AGMO: variants seen among roughly 807,000 people sequenced by gnomAD.
AGMO encodes alkylglycerol monooxygenase.
In AGMO, 75 loss-of-function variants were observed where a neutral mutation model predicts 60.2. The ratio of observed to expected loss-of-function variants is 1.25; its 90% CI spans 1.03 to 1.51. The LOEUF (loss-of-function observed/expected upper bound fraction) is 1.51, where lower values mean the gene tolerates loss of function less well. Ranked by LOEUF, AGMO falls within the 40% of genes most tolerant of loss-of-function variation. The probability of loss-of-function intolerance (pLI) is 0.00; values close to 1 mark genes in which losing one functional copy is unlikely to be tolerated. For missense variants in AGMO, 763 were observed against 525.5 expected (o/e 1.45, Z -4.42); for synonymous variants, 261 against 177.1 (o/e 1.47, Z -3.76).
At chr7:15,463,013 G>T (rs1036537017) in intron 3 of AGMO, among the ~76,000 whole-genome samples, 1 of 152,072 alleles carries the variant, frequency 6.6e-6, no homozygotes, top group African/African-American at 2.4e-5. Context: ...CAAGTTAGCT[G>T]GATGGAAACA....
rs573560707 is a variant in AGMO at position 15,528,589 on chromosome 7, G to C, written c.409+16183C>G. On this transcript the variant is annotated intron_variant, in intron 3 of 12. Coordinates refer to ENST00000342526, the MANE Select transcript of AGMO (RefSeq NM_001004320.2). ...GTTTGCAGAGAGTTCAGAAGACAGA[G>C]GGAAACATTAAGCAGTACTAGGAGG... Among the ~76,000 whole-genome samples, 5 of 152,162 alleles carry C rather than the reference G, an allele frequency of 3.3e-5. No homozygotes were observed. The East Asian group carries it at 9.7e-4, about 29-fold the overall frequency.
chr7:15,204,845 A>ATG (rs149200960), intron 12 of AGMO, among the ~76,000 whole-genome samples: 6 of 151,844 alleles, frequency 4.0e-5, no homozygotes, highest in Non-Finnish European at 5.9e-5. Context: ...CCTCTCAGTT[A>ATG]TGTGTGTGTG....
intron 10 of AGMO, among the ~76,000 whole-genome samples, chr7:15,375,109 A>C (rs4415218): frequency 0.74 from 112,580 of 151,898 alleles, 42,522 homozygotes; most frequent in Middle Eastern, 0.83. Context: ...AAACCTCTAG[A>C]AAAGAAAGAT....
intron 12 of AGMO, among the ~76,000 whole-genome samples, chr7:15,316,657 GATA>G (rs1554411865): frequency 6.6e-6 from 1 of 151,978 alleles, no homozygotes; most frequent in Admixed American, 6.6e-5. Context: ...AAGCAGAGGG[GATA>G]ATAATAGATA....
At chr7:15,517,972 C>A (rs375993452) in intron 3 of AGMO, among the ~76,000 whole-genome samples, 1 of 152,076 alleles carries the variant, frequency 6.6e-6, no homozygotes, top group Non-Finnish European at 1.5e-5. Context: ...CTGGGACACT[C>A]GAGCTTGGTT....
intron 2 of AGMO, among the ~76,000 whole-genome samples, chr7:15,551,087 T>C (rs1295282113): frequency 6.6e-6 from 1 of 152,016 alleles, no homozygotes; most frequent in Non-Finnish European, 1.5e-5. Flanking sequence ...TCTCAATAGA[T>C]GCAGGAAAAG....
chr7:15,446,967 A>G (rs1488564539), intron 3 of AGMO, among the ~76,000 whole-genome samples: 1 of 152,180 alleles, frequency 6.6e-6, no homozygotes, highest in Non-Finnish European at 1.5e-5. Context: ...TTTAATGGCA[A>G]TAAGTGATCC....
At chr7:15,504,352 T>C (rs549871366) in intron 3 of AGMO, among the ~76,000 whole-genome samples, 1 of 152,092 alleles carries the variant, frequency 6.6e-6, no homozygotes, top group Non-Finnish European at 1.5e-5. Flanking sequence ...ATTTGATATG[T>C]TCCAAGCCTG....
intron 2 of AGMO, among the ~76,000 whole-genome samples, chr7:15,549,275 C>G (rs1784877078): frequency 6.8e-6 from 1 of 146,114 alleles, no homozygotes; most frequent in Non-Finnish European, 1.5e-5. Context: ...GCAAAATCAC[C>G]AGCTAACATC....
intron 3 of AGMO, 93 bp downstream of exon 3, chr7:15,544,679 T>C (rs1784724998): frequency 9.7e-7 from 1 of 1,036,140 alleles, no homozygotes; most frequent in Non-Finnish European, 1.3e-6. Context: ...TTTATTCCTG[T>C]ATTTATCCAT....
chr7:15,221,717 A>T (rs1781929253), intron 12 of AGMO, among the ~76,000 whole-genome samples: 1 of 152,168 alleles, frequency 6.6e-6, no homozygotes, highest in Admixed American at 6.6e-5. Context: ...AATGTTAAAC[A>T]TACCATCCAC....
chr7:15,244,659 T>C (rs564821276), intron 12 of AGMO, among the ~76,000 whole-genome samples: 3 of 152,076 alleles, frequency 2.0e-5, no homozygotes, highest in African/African-American at 7.2e-5. Flanking sequence ...GTTTGTTTTG[T>C]TTTTTTGGAG....
intron 10 of AGMO, among the ~76,000 whole-genome samples, chr7:15,372,873 G>A (rs138395039): frequency 1.2e-3 from 187 of 152,204 alleles, no homozygotes; most frequent in African/African-American, 4.4e-3. Context: ...TAATTTGGAC[G>A]TATGATCGGT....
the AGMO span, among the ~76,000 whole-genome samples, chr7:15,142,312 C>T: frequency 6.6e-6 from 1 of 152,080 alleles, no homozygotes; most frequent in African/African-American, 2.4e-5. Context: ...CTTTCAAGGT[C>T]CAAGTGAAAT....
chr7:15,315,356 T>TTTTTTTTTTTTTTTA (rs1780891467), intron 12 of AGMO, among the ~76,000 whole-genome samples: 1 of 141,416 alleles, frequency 7.1e-6, no homozygotes, highest in African/African-American at 2.8e-5. Flanking sequence ...TTTTTTTTTT[T>TTTTTTTTTTTTTTTA]GAGACAGAGT....
intron 3 of AGMO, among the ~76,000 whole-genome samples, chr7:15,522,289 G>C (rs1420157839): frequency 1.3e-5 from 2 of 152,216 alleles, no homozygotes; most frequent in East Asian, 1.9e-4. Context: ...GTAATTTATA[G>C]ATTCAATGCT....
At chr7:15,410,391 T>A (rs1158230149) in intron 5 of AGMO, among the ~76,000 whole-genome samples, 1 of 151,662 alleles carries the variant, frequency 6.6e-6, no homozygotes, top group Non-Finnish European at 1.5e-5. Context: ...AAAAAATAAA[T>A]AACAAAAAAA....
At chr7:15,170,684 C>G in the AGMO span, among the ~76,000 whole-genome samples, 1 of 152,016 alleles carries the variant, frequency 6.6e-6, no homozygotes, top group Non-Finnish European at 1.5e-5. Context: ...AATTAATGAA[C>G]CAATACTGAT....
chr7:15,479,989 G>C (rs964253663), intron 3 of AGMO, among the ~76,000 whole-genome samples: 1 of 152,094 alleles, frequency 6.6e-6, no homozygotes, highest in Non-Finnish European at 1.5e-5. Context: ...ACATGAATCT[G>C]TTCATTTAGG....
Sources: allele counts gnomAD v4.1 joint callset (sites outside exome capture counted in the v4.1 genomes callset), GRCh38; gene constraint gnomAD v4.1.1; transcripts MANE v1.5; gene names NCBI Gene and HGNC (gene_info 2026-07-23, HGNC 2026-07-21).